GSR: variants seen among roughly 807,000 people sequenced by gnomAD.
GSR encodes the protein glutathione-disulfide reductase.
In GSR, 48 loss-of-function variants were observed where a neutral mutation model predicts 56.5. The ratio of observed to expected loss-of-function variants is 0.85; its 90% confidence interval spans 0.67 to 1.08. The LOEUF (loss-of-function observed/expected upper bound fraction) is 1.08. GSR is among the 50% of genes least tolerant of loss of function. The pLI is 0.00. For synonymous variants in GSR, 264 were observed against 270.8 expected, an observed-to-expected ratio of 0.97 and a Z score of 0.25; for missense variants, 694 against 703.3, an observed-to-expected ratio of 0.99 and a Z score of 0.15.
At chr8:30,691,007 A>G (rs961680861) in intron 8 of GSR, among the ~76,000 whole-genome samples, 5 of 152,014 alleles carry the variant, frequency 3.3e-5, no homozygotes, top group Non-Finnish European at 7.4e-5. Context: ...AGCAATGATC[A>G]TGGAACTGCA....
chr8:30,702,120 T>C (rs1198381818), intron 5 of GSR, among the ~76,000 whole-genome samples: 1 of 151,778 alleles, frequency 6.6e-6, no homozygotes, highest in East Asian at 1.9e-4. Flanking sequence ...GAGGCCGAGG[T>C]GGGCCCATGT....
chr8:30,706,158 A>G (rs974656915), intron 4 of GSR, among the ~76,000 whole-genome samples: 6 of 151,248 alleles, frequency 4.0e-5, no homozygotes, highest in Non-Finnish European at 7.4e-5. Flanking sequence ...CCTGGGTGAC[A>G]GAGTAAGACC....
At chr8:30,727,444 G>T in intron 1 of GSR, 86 bp downstream of exon 1, 1 of 1,257,278 alleles carries the variant, frequency 8.0e-7, no homozygotes, top group Non-Finnish European at 1.1e-6. Context: ...CGGGGGACAG[G>T]ATCGCCATAG....
chr8:30,697,535 G>C (rs914363413), intron 6 of GSR, among the ~76,000 whole-genome samples: 1 of 152,166 alleles, frequency 6.6e-6, no homozygotes. Flanking sequence ...GGCTGAGGCA[G>C]GAGGATAACT....
chr8:30,727,761 G>T lies in GSR; in HGVS notation c.75C>A (p.Gly25=). The change falls in exon 1 of 13, where the codon GGC becomes GGA. Residue 25 remains glycine, a synonymous_variant. Transcript: ENST00000221130. ...CGGGCTCGGGCAGAAGCAGCAGGAA[G>T]CCTCGGAAGGCGCGCGCCGCCCGCC... The part of the protein sequence containing the change: ...SWRRAARAFR[G]FLLLLPEPAA... 1 of 1,374,792 alleles carries T rather than the reference G, an allele frequency of 7.3e-7. No homozygotes were observed. The highest frequency in any genetic ancestry group is 1.6e-5 in the South Asian group (1 of 60,630). 85.2% of individuals were successfully genotyped at this position (1,374,792 alleles called of 1,614,324 possible). A position where few individuals can be genotyped will look rare whatever the true frequency, so the allele number is the denominator to read the frequency against.
intron 9 of GSR, among the ~76,000 whole-genome samples, chr8:30,688,947 C>A (rs1184278773): frequency 6.6e-6 from 1 of 150,390 alleles, no homozygotes; most frequent in African/African-American, 2.4e-5. Context: ...AAAACAAAAA[C>A]AGAAAAGAAA....
chr8:30,716,725 T>G (rs2128747959), intron 1 of GSR, among the ~76,000 whole-genome samples: 1 of 152,132 alleles, frequency 6.6e-6, no homozygotes, highest in Middle Eastern at 3.4e-3. Flanking sequence ...GAGAATCACT[T>G]GAGCTTGGGA....
chr8:30,726,495 A>G (rs1015991928), intron 1 of GSR, among the ~76,000 whole-genome samples: 3 of 152,210 alleles, frequency 2.0e-5, no homozygotes, highest in Non-Finnish European at 2.9e-5. Context: ...GCAGTGGCTC[A>G]GGCTTGTAAT....
intron 1 of GSR, among the ~76,000 whole-genome samples, chr8:30,713,300 G>A (rs1252430019): frequency 6.6e-6 from 1 of 151,812 alleles, no homozygotes; most frequent in Non-Finnish European, 1.5e-5. Flanking sequence ...GCCTCCCAAA[G>A]TGCTGGGATT....
chr8:30,718,209 C>T (rs1024168686), intron 1 of GSR, among the ~76,000 whole-genome samples: 4 of 152,164 alleles, frequency 2.6e-5, no homozygotes, highest in African/African-American at 9.7e-5. Context: ...GAAAAATTGT[C>T]TTCCACAAAA....
rs572870464 is a variant in GSR, at chr8:30,704,721, T to C, written c.493-1481A>G. ...ATATTGGAACGTGCTTGATTCTGAA[T>C]TGAGTTATCTTCTTCTTTCCCTGCA... On this transcript the variant is annotated intron_variant, in intron 4 of 12. Transcript: ENST00000221130. 5 of 152,306 alleles carry C rather than the reference T, an allele frequency of 3.3e-5. No homozygotes were observed. In the South Asian group the frequency reaches 1.0e-3, roughly 32 times the overall value. 9.4% of individuals were successfully genotyped at this position (152,306 alleles called of 1,614,324 possible).
intron 6 of GSR, among the ~76,000 whole-genome samples, chr8:30,697,483 C>G (rs1442728305): frequency 6.6e-6 from 1 of 151,872 alleles, no homozygotes; most frequent in Non-Finnish European, 1.5e-5. Flanking sequence ...TAAAAATTAT[C>G]CAAGTATGAT....
intron 4 of GSR, among the ~76,000 whole-genome samples, chr8:30,704,483 T>C (rs776417926): frequency 6.6e-6 from 1 of 152,150 alleles, no homozygotes; most frequent in Non-Finnish European, 1.5e-5. Flanking sequence ...ACCACAAAAG[T>C]ACATGACACT....
At position 30,712,400 on chromosome 8, in the gene GSR, G is replaced by C. The variant is rs567962714; in HGVS notation, c.307-312C>G. Among the ~76,000 whole-genome samples, 47 of 152,272 alleles carry C rather than the reference G, an allele frequency of 3.1e-4. 1 individual carries two copies. Among genetic ancestry groups the C allele is most frequent in the African/African-American group, 1.1e-3 (46 of 41,558 alleles). On this transcript the variant is annotated intron_variant, in intron 1 of 12. Transcript: ENST00000221130. ...ATACATGGATAAACACCCAAGATGGGCCAGGGCTTGGTAGTTCACACCTGT... is the reference window on the plus strand; with the variant it reads ...ATACATGGATAAACACCCAAGATGGCCCAGGGCTTGGTAGTTCACACCTGT...
Position 30,707,392 on chromosome 8 carries a change from G to GT in GSR, c.492+679dup, listed in dbSNP as rs1244437015. ...CAGGTCAATTTCAATAATAGAAAAA[G>GT]TAAGAGGCCAGGCACAGTGGCTCAT... On this transcript the variant is annotated intron_variant, in intron 4 of 12. Transcript: ENST00000221130. 2.0e-5 allele frequency among the ~76,000 whole-genome samples: 3 copies of GT among 152,166 alleles called. No individual in the cohort carries two copies. The East Asian group carries it at 5.8e-4, about 30-fold the overall frequency.
Position 30,679,453 on chromosome 8 carries a change from T to G in GSR, c.*67A>C. The stretch of plus-strand genomic sequence containing the variant: ...ACATAAAACTCAAACAGTAAGTCAA[T>G]GTGATTATTTGTTTCATTTCAGAAG... On this transcript the variant is annotated 3_prime_UTR_variant, in exon 13 of 13. Coordinates refer to ENST00000221130, the MANE Select transcript of GSR (RefSeq NM_000637.5). 7.1e-7 allele frequency: 1 copy of G among 1,407,396 alleles called. No homozygotes were observed. The highest frequency in any genetic ancestry group is 1.0e-6 in the Non-Finnish European group (1 of 994,966). 87.2% of individuals were successfully genotyped at this position (1,407,396 alleles called of 1,614,324 possible).
chr8:30,700,060 G>A lies in GSR; in HGVS notation c.695+21C>T, dbSNP rs762667741. 8 of 1,583,562 alleles carry A rather than the reference G, an allele frequency of 5.1e-6. No homozygotes were observed. The East Asian group carries it at 1.8e-4, about 35-fold the overall frequency. On this transcript the variant is annotated intron_variant, in intron 6 of 12. Transcript: ENST00000221130. ...ACAGTAAGGAAGAATGAGTCACTGA[G>A]GTCAGGTCAGGTTGGCTTACCCGGG...
At chr8:30,727,438 G>T in intron 1 of GSR, 92 bp downstream of exon 1, 1 of 1,215,248 alleles carries the variant, frequency 8.2e-7, no homozygotes, top group Non-Finnish European at 1.1e-6. Flanking sequence ...CAGCGCCGGG[G>T]GACAGGATCG....
chr8:30,715,191 G>T (rs1458403503), intron 1 of GSR, among the ~76,000 whole-genome samples: 1 of 152,120 alleles, frequency 6.6e-6, no homozygotes. Flanking sequence ...TATTCAGGAG[G>T]CTGAGGCGGA....
Sources: gnomAD v4.1 joint callset for allele counts (sites outside exome capture counted in the v4.1 genomes callset) on GRCh38, gnomAD v4.1.1 for gene constraint, MANE v1.5 for transcripts, NCBI Gene and HGNC (gene_info 2026-07-23, HGNC 2026-07-21) for gene names.